SAMMSON: variants seen among roughly 807,000 people sequenced by gnomAD.
The protein encoded by SAMMSON is survival associated mitochondrial melanoma specific oncogenic non-coding RNA.
At chr3:70,043,515 C>T (rs951837876) in intron 3 of SAMMSON, among the ~76,000 whole-genome samples, 1 of 151,982 alleles carries the variant, frequency 6.6e-6, no homozygotes, top group Non-Finnish European at 1.5e-5. Flanking sequence ...AATTGTGCCA[C>T]CAGACTGTGG....
At chr3:70,312,371 C>G (rs1253429882) in intron 7 of SAMMSON, among the ~76,000 whole-genome samples, 7 of 152,174 alleles carry the variant, frequency 4.6e-5, no homozygotes, top group Admixed American at 4.6e-4. Context: ...CAATAAAACA[C>G]AAAAGCATCT....
At chr3:70,034,346 T>C (rs2067077543) in intron 3 of SAMMSON, among the ~76,000 whole-genome samples, 1 of 152,226 alleles carries the variant, frequency 6.6e-6, no homozygotes, top group African/African-American at 2.4e-5. Context: ...TAAAATAATT[T>C]GATGAATATA....
At chr3:70,431,472 T>G (rs1701411779) in intron 2 of SAMMSON, among the ~76,000 whole-genome samples, 1 of 151,954 alleles carries the variant, frequency 6.6e-6, no homozygotes, top group African/African-American at 2.4e-5. Flanking sequence ...TCTCTAAAAG[T>G]AATAGAAATA....
chr3:70,389,183 T>C lies in SAMMSON; in HGVS notation n.914-391T>C, dbSNP rs561260653. On this transcript the variant is annotated intron_variant and non_coding_transcript_variant, in intron 9 of 9. Transcript: ENST00000642114. Reference sequence around the variant, plus strand: ...CCTTGAACTTTCCAGCCACCAGAATTGTTAGCAAAATGAACCTCTTTCCTT... The same window carrying C: ...CCTTGAACTTTCCAGCCACCAGAATCGTTAGCAAAATGAACCTCTTTCCTT... Among the ~76,000 whole-genome samples, 29 of 152,220 alleles carry C rather than the reference T, an allele frequency of 1.9e-4. 1 individual carries two copies. The highest frequency in any genetic ancestry group is 6.7e-4 in the African/African-American group (28 of 41,546).
At chr3:70,374,079 TA>T (rs1181006204) in intron 9 of SAMMSON, among the ~76,000 whole-genome samples, 1 of 152,134 alleles carries the variant, frequency 6.6e-6, no homozygotes, top group Non-Finnish European at 1.5e-5. Context: ...CACACCCAGC[TA>T]ATTTTGTATT....
intron 4 of SAMMSON, among the ~76,000 whole-genome samples, chr3:70,096,437 A>G (rs533887282): frequency 6.6e-6 from 1 of 152,278 alleles, no homozygotes; most frequent in Non-Finnish European, 1.5e-5. Context: ...CCAGCTACTC[A>G]GGAGACTGAG....
At chr3:70,367,138 C>A (rs1388827538) in intron 9 of SAMMSON, among the ~76,000 whole-genome samples, 1 of 151,584 alleles carries the variant, frequency 6.6e-6, no homozygotes, top group East Asian at 1.9e-4. Context: ...CTTTCCATCA[C>A]CTCAAACAGT....
intron 4 of SAMMSON, among the ~76,000 whole-genome samples, chr3:70,225,531 G>C (rs1012026078): frequency 6.6e-6 from 1 of 152,070 alleles, no homozygotes; most frequent in Non-Finnish European, 1.5e-5. Context: ...AGAAAGCAAC[G>C]GTGTGTCAAG....
At chr3:70,078,274 T>C (rs1559786559) in intron 4 of SAMMSON, among the ~76,000 whole-genome samples, 1 of 152,198 alleles carries the variant, frequency 6.6e-6, no homozygotes, top group African/African-American at 2.4e-5. Context: ...TTTCTTCCAG[T>C]GTCACCAGTT....
At chr3:70,361,968 A>G (rs971579879) in intron 9 of SAMMSON, among the ~76,000 whole-genome samples, 9 of 152,194 alleles carry the variant, frequency 5.9e-5, no homozygotes, top group Non-Finnish European at 1.0e-4. Context: ...AAATAGATCC[A>G]TGTAATTATT....
intron 7 of SAMMSON, among the ~76,000 whole-genome samples, chr3:70,296,149 C>T (rs192046134): frequency 2.6e-5 from 4 of 152,146 alleles, no homozygotes; most frequent in East Asian, 1.9e-4. Flanking sequence ...ATTTTCTTTA[C>T]TTTGTAATAA....
chr3:70,052,557 T>C (rs893525699), intron 3 of SAMMSON, among the ~76,000 whole-genome samples: 25 of 152,134 alleles, frequency 1.6e-4, no homozygotes. Context: ...AAATGTGAGA[T>C]TTGGGGAATG....
intron 4 of SAMMSON, among the ~76,000 whole-genome samples, chr3:70,078,242 G>C (rs1014627116): frequency 6.6e-5 from 10 of 152,156 alleles, no homozygotes; most frequent in African/African-American, 2.2e-4. Context: ...GTAGTAAATT[G>C]TCGCTTAGCA....
At chr3:70,174,894 G>T (rs1315934898) in intron 4 of SAMMSON, among the ~76,000 whole-genome samples, 1 of 151,932 alleles carries the variant, frequency 6.6e-6, no homozygotes, top group African/African-American at 2.4e-5. Flanking sequence ...ATATTTTCAT[G>T]TACAGTTTAT....
chr3:70,281,001 G>T (rs533047178), intron 6 of SAMMSON, among the ~76,000 whole-genome samples: 1 of 152,124 alleles, frequency 6.6e-6, no homozygotes, highest in Admixed American at 6.5e-5. Context: ...TTAAACTTAC[G>T]TATAAAAAAA....
chr3:70,128,503 G>A (rs955495771), intron 4 of SAMMSON, among the ~76,000 whole-genome samples: 3 of 152,142 alleles, frequency 2.0e-5, no homozygotes, highest in South Asian at 4.1e-4. Flanking sequence ...ATTTTAAAAG[G>A]TAGCCTGATA....
chr3:70,399,760 C>T (rs1309199032), intron 2 of SAMMSON, among the ~76,000 whole-genome samples: 2 of 151,166 alleles, frequency 1.3e-5, no homozygotes, highest in Non-Finnish European at 2.9e-5. Flanking sequence ...GTTCCAGCTA[C>T]TCTACTCGGG....
Position 70,122,956 on chromosome 3 carries a change from T to C in SAMMSON, n.507+51391T>C, listed in dbSNP as rs188268038. Among the ~76,000 whole-genome samples, 92 of 152,364 alleles carry C rather than the reference T, an allele frequency of 6.0e-4. 2 individuals are homozygous for C. The East Asian group carries it at 0.017, about 28-fold the overall frequency. Reference sequence around the variant, plus strand: ...CCTAGGGCATTCCAAAGTGTGTTTTTTGCAGTGAGGAATGCTCTCCTTGTG... The same window carrying C: ...CCTAGGGCATTCCAAAGTGTGTTTTCTGCAGTGAGGAATGCTCTCCTTGTG... On this transcript the variant is annotated intron_variant and non_coding_transcript_variant, in intron 4 of 9. Transcript: ENST00000642114.
At chr3:70,157,868 C>A (rs995412338) in intron 4 of SAMMSON, among the ~76,000 whole-genome samples, 1 of 152,024 alleles carries the variant, frequency 6.6e-6, no homozygotes, top group African/African-American at 2.4e-5. Flanking sequence ...TTGCTTCAGT[C>A]ACATCACTGA....
Sources: allele counts gnomAD v4.1 joint callset (sites outside exome capture counted in the v4.1 genomes callset), GRCh38; gene constraint gnomAD v4.1.1; transcripts MANE v1.5; gene names NCBI Gene and HGNC (gene_info 2026-07-23, HGNC 2026-07-21).